Variants in TECPR2 observed in about 807,000 individuals in gnomAD.
TECPR2 encodes the protein tectonin beta-propeller repeat-containing protein 2.
TECPR2 carries 65 observed loss-of-function variants against 138.1 expected under a neutral mutation model. That is an observed-to-expected ratio of 0.47 (90% CI 0.39 to 0.58). The LOEUF (loss-of-function observed/expected upper bound fraction) is 0.58. Ranked by LOEUF, TECPR2 falls within the 20% of genes least tolerant of loss-of-function variation. The probability of loss-of-function intolerance (pLI) is 0.00; values close to 1 mark genes in which losing one functional copy is unlikely to be tolerated. For synonymous variants in TECPR2, 746 were observed against 749.8 expected, an observed-to-expected ratio of 0.99 and a Z score of 0.08; for missense variants, 1,553 against 1,824.5, an observed-to-expected ratio of 0.85 and a Z score of 2.71.
In TECPR2 at chr14:102,465,154, G is replaced by C. The variant is rs1386953110; in HGVS notation, c.3654G>C (p.Leu1218Phe). ...CTTTATCTACAGGAGCTGTAAAATT[G>C]ACAAGCTTGGCATGTGGAAATCAGC... ...LDLSQLGAVK[L>F]TSLACGNQHI... is the part of the protein sequence containing the mutation. The change falls in exon 17 of 20, where the codon TTG (leucine) becomes TTC (phenylalanine). Residue 1218 changes from leucine to phenylalanine, a missense_variant. Coordinates refer to ENST00000359520, the MANE Select transcript of TECPR2 (RefSeq NM_014844.5). 6.8e-6 allele frequency: 11 copies of C among 1,614,070 alleles called. No individual in the cohort carries two copies. The highest frequency in any genetic ancestry group is 1.7e-5 in the Admixed American group (1 of 59,986).
intron 1 of TECPR2, among the ~76,000 whole-genome samples, chr14:102,366,875 A>G (rs1887358780): frequency 6.6e-6 from 1 of 152,232 alleles, no homozygotes; most frequent in Non-Finnish European, 1.5e-5. Flanking sequence ...CACATATGAT[A>G]GAGGAAAGAA....
At chr14:102,374,671 A>G (rs908988365) in intron 1 of TECPR2, among the ~76,000 whole-genome samples, 7 of 152,200 alleles carry the variant, frequency 4.6e-5, no homozygotes, top group Non-Finnish European at 1.0e-4. Flanking sequence ...GACTACAGGC[A>G]TGTAGCACCA....
At chr14:102,431,556 A>G (rs35257572) in intron 7 of TECPR2, among the ~76,000 whole-genome samples, 111 of 152,074 alleles carry the variant, frequency 7.3e-4, no homozygotes, top group African/African-American at 2.0e-3. Flanking sequence ...GTTAGCCAGG[A>G]TGGTCTTGAT....
At chr14:102,418,226 A>G (rs1184575023) in intron 5 of TECPR2, among the ~76,000 whole-genome samples, 1 of 152,142 alleles carries the variant, frequency 6.6e-6, no homozygotes, top group Non-Finnish European at 1.5e-5. Context: ...CACGCAGGGA[A>G]TGTCTGTTCA....
rs1888986520 is a variant in TECPR2, at chr14:102,415,001, A to G, written c.638+208A>G. On this transcript the variant is annotated intron_variant, in intron 5 of 19. Coordinates refer to ENST00000359520, the MANE Select transcript of TECPR2 (RefSeq NM_014844.5). This position sits in a 1 kb window ranked among gnomAD's most constrained non-coding sequence, Gnocchi z 4.3. The stretch of plus-strand genomic sequence containing the variant: ...AAGAAGAGTGTGTTCTTCTTGTCGC[A>G]GAGCTGTAGGAGCCTGCACACACAG... Among the ~76,000 whole-genome samples, 1 of 152,158 alleles carries G rather than the reference A, an allele frequency of 6.6e-6. No individual in the cohort carries two copies. Among genetic ancestry groups the G allele is most frequent in the South Asian group, 2.1e-4 (1 of 4,834 alleles).
At chr14:102,400,139 G>A (rs371715166) in intron 2 of TECPR2, among the ~76,000 whole-genome samples, 6 of 151,176 alleles carry the variant, frequency 4.0e-5, no homozygotes, top group East Asian at 2.0e-4. Context: ...TCTGCCTCCC[G>A]GGTTCAAGTG....
rs138924292 is a variant in TECPR2, at chr14:102,377,182, G to A, written c.219+242G>A. On this transcript the variant is annotated intron_variant, in intron 2 of 19. Coordinates refer to ENST00000359520, the MANE Select transcript of TECPR2 (RefSeq NM_014844.5). ...ACTTTATTTATTTATTTGAGACAGC[G>A]TCTCGCTCTGTTGTCCAGCCTAGAG... 0.016 allele frequency among the ~76,000 whole-genome samples: 2,425 copies of A among 152,200 alleles called. 26 individuals are homozygous for A. The highest frequency in any genetic ancestry group is 0.027 in the Middle Eastern group (8 of 294).
intron 1 of TECPR2, among the ~76,000 whole-genome samples, chr14:102,365,026 T>C (rs1046780857): frequency 6.6e-6 from 1 of 152,242 alleles, no homozygotes; most frequent in African/African-American, 2.4e-5. Context: ...CAATTTAAAA[T>C]GAATGTATTC....
intron 1 of TECPR2, 92 bp downstream of exon 1, chr14:102,363,208 T>G: frequency 5.8e-5 from 14 of 242,404 alleles, no homozygotes; most frequent in Non-Finnish European, 9.4e-5. Context: ...CGGGCCACTC[T>G]TCCCTTGCCT....
intron 1 of TECPR2, among the ~76,000 whole-genome samples, chr14:102,367,566 T>G (rs1887377720): frequency 6.6e-6 from 1 of 152,214 alleles, no homozygotes; most frequent in Non-Finnish European, 1.5e-5. Context: ...TCCTCCGTGT[T>G]GTAGCATGAA....
chr14:102,487,426 G>A (rs1221576529), intron 17 of TECPR2, among the ~76,000 whole-genome samples: 4 of 152,250 alleles, frequency 2.6e-5, no homozygotes, highest in African/African-American at 9.6e-5. Context: ...AGGAACATGT[G>A]TGAGTGTGTG....
At chr14:102,459,868 C>T (rs375113338) in intron 16 of TECPR2, among the ~76,000 whole-genome samples, 172 of 152,348 alleles carry the variant, frequency 1.1e-3, no homozygotes, top group African/African-American at 3.9e-3. Context: ...TAGCAAGCAG[C>T]CTTGGACAGC....
intron 2 of TECPR2, among the ~76,000 whole-genome samples, chr14:102,406,633 C>G (rs1486286455): frequency 6.6e-6 from 1 of 152,096 alleles, no homozygotes; most frequent in African/African-American, 2.4e-5. Context: ...GCAGGAAGAT[C>G]CCTTGTGCCC....
chr14:102,466,324 G>T lies in TECPR2; in HGVS notation c.3789+1035G>T, dbSNP rs566783962. Among the ~76,000 whole-genome samples, 67 of 152,300 alleles carry T rather than the reference G, an allele frequency of 4.4e-4. 1 individual carries two copies. In the South Asian group the frequency reaches 0.013, roughly 29 times the overall value. The stretch of plus-strand genomic sequence containing the variant: ...TCTTCCTCCTCCAGAGGGTGATGGG[G>T]ATGATATTGTCTATGACAACACTTT... On this transcript the variant is annotated intron_variant, in intron 17 of 19. Transcript: ENST00000359520.
chr14:102,432,028 CCT>C lies in TECPR2; in HGVS notation c.1318_1319del (p.Leu440ValfsTer13), dbSNP rs765874018. On this transcript the variant is annotated frameshift_variant, in exon 8 of 20. Transcript: ENST00000359520. LOFTEE classifies it high-confidence loss of function. ...TPELGKGSQP[L>X]SQRFNAISSE... ...CTGAGCTGGGCAAGGGCAGCCAGCC[CCT>C]GTCACAGAGATTCAACGCCATCAGC... The C allele has an allele frequency of 7.4e-6, 12 of 1,612,938 alleles. No individual in the cohort carries two copies. Among genetic ancestry groups the C allele is most frequent in the African/African-American group, 1.3e-5 (1 of 75,054 alleles).
intron 2 of TECPR2, among the ~76,000 whole-genome samples, chr14:102,398,407 G>A (rs1268140161): frequency 6.6e-6 from 1 of 152,110 alleles, no homozygotes; most frequent in Admixed American, 6.6e-5. Flanking sequence ...GAAATGAAAG[G>A]GGGAGAGAGA....
intron 2 of TECPR2, among the ~76,000 whole-genome samples, chr14:102,377,569 G>A (rs1887673860): frequency 6.6e-6 from 1 of 152,134 alleles, no homozygotes; most frequent in Non-Finnish European, 1.5e-5. Flanking sequence ...AGCTGGGCGT[G>A]GTGGCATGCA....
chr14:102,466,415 C>T (rs190354391), intron 17 of TECPR2, among the ~76,000 whole-genome samples: 54 of 152,298 alleles, frequency 3.5e-4, no homozygotes, highest in Admixed American at 2.5e-3. Context: ...GCTCTGTTTT[C>T]CCTCTGCACA....
chr14:102,450,724 C>G, intron 15 of TECPR2, 75 bp downstream of exon 15: 1 of 1,470,134 alleles, frequency 6.8e-7, no homozygotes, highest in Non-Finnish European at 9.5e-7. Context: ...CACAGTCGGA[C>G]TGTGGCCTTG....
Sources: allele counts gnomAD v4.1 joint callset (sites outside exome capture counted in the v4.1 genomes callset), GRCh38; gene constraint gnomAD v4.1.1; non-coding constraint Gnocchi (gnomAD v3.1); transcripts MANE v1.5; gene names NCBI Gene and HGNC (gene_info 2026-07-23, HGNC 2026-07-21).